The following PIWIL1 variants were observed in gnomAD, a reference collection of about 807,000 sequenced individuals.
PIWIL1 encodes the protein piwi-like protein 1.
In PIWIL1, 73 loss-of-function variants were observed where a neutral mutation model predicts 114.4. The ratio of observed to expected loss-of-function variants is 0.64; its 90% CI spans 0.53 to 0.78. The LOEUF is 0.78. Ranked by LOEUF, PIWIL1 falls within the 30% of genes least tolerant of loss-of-function variation. The pLI is 0.00. For synonymous variants in PIWIL1, 375 were observed against 369.0 expected, an observed-to-expected ratio of 1.02 and a Z score of -0.19; for missense variants, 723 against 1,063.1, an observed-to-expected ratio of 0.68 and a Z score of 4.45.
intron 18 of PIWIL1, chr12:130,366,450 C>T (rs1440462673): frequency 6.6e-6 from 1 of 152,274 alleles, no homozygotes; most frequent in East Asian, 1.9e-4. Context: ...GCCAAGAAGC[C>T]TGATGAACCT....
chr12:130,414,467 G>A, the PIWIL1 span: 3 of 635,972 alleles, frequency 4.7e-6, no homozygotes, highest in African/African-American at 3.7e-5. Flanking sequence ...GGAGGTCTAG[G>A]TCAGATGAAT....
chr12:130,355,556 C>T lies in PIWIL1; in HGVS notation c.1293C>T (p.Asn431=), dbSNP rs138596008. The stretch of plus-strand genomic sequence containing the variant: ...TGTAAATGTGTTAAATTTACAGAAA[C>T]GATAATGTTCAAAGGGAGCTTCGAG... The part of the protein sequence containing the change: ...VGRLIDYIHK[N]DNVQRELRDW... The change falls in exon 12 of 21, where the codon AAC becomes AAT. Residue 431 remains asparagine (N), a synonymous_variant. Coordinates refer to ENST00000245255, the MANE Select transcript of PIWIL1 (RefSeq NM_004764.5). 29 of 1,607,264 alleles carry T rather than the reference C, an allele frequency of 1.8e-5. No individual in the cohort carries two copies. Among genetic ancestry groups the T allele is most frequent in the South Asian group, 3.3e-5 (3 of 90,956 alleles).
the PIWIL1 span, among the ~76,000 whole-genome samples, chr12:130,413,474 G>A: frequency 0.65 from 98,087 of 151,578 alleles, 32,093 homozygotes; most frequent in East Asian, 0.78. Context: ...TACTAAAAAT[G>A]CAAAAAAATT....
At chr12:130,424,434 C>T in the PIWIL1 span, 1 of 1,232,696 alleles carries the variant, frequency 8.1e-7, no homozygotes, top group East Asian at 3.2e-5. The surrounding 1 kb of genome is among the most constrained non-coding windows in gnomAD (Gnocchi z 9.8). Flanking sequence ...GGGACAGTGA[C>T]CAGGGCCTGG....
At chr12:130,363,612 CTTTTTTTTTTTTT>C (rs34198016) in intron 18 of PIWIL1, among the ~76,000 whole-genome samples, 1 of 82,382 alleles carries the variant, frequency 1.2e-5, no homozygotes, top group African/African-American at 5.1e-5. Flanking sequence ...TACTTTCTCC[CTTTTTTTTTTTTT>C]TTTTTTTTTT....
chr12:130,409,757 T>G, the PIWIL1 span, among the ~76,000 whole-genome samples: 1 of 152,156 alleles, frequency 6.6e-6, no homozygotes, highest in African/African-American at 2.4e-5. Flanking sequence ...GGCCCCATTG[T>G]GTGGGGCGCC....
the PIWIL1 span, among the ~76,000 whole-genome samples, chr12:130,379,294 G>C: frequency 1.3e-5 from 2 of 152,172 alleles, no homozygotes; most frequent in Non-Finnish European, 2.9e-5. Flanking sequence ...TCACACATTT[G>C]TCAAATAAAA....
the PIWIL1 span, among the ~76,000 whole-genome samples, chr12:130,412,410 T>C: frequency 6.6e-6 from 1 of 152,336 alleles, no homozygotes; most frequent in Admixed American, 6.5e-5. Context: ...TAGGTGTATC[T>C]GTGTCCCTAA....
the PIWIL1 span, among the ~76,000 whole-genome samples, chr12:130,383,019 A>G: frequency 1.3e-5 from 2 of 152,230 alleles, no homozygotes; most frequent in East Asian, 1.9e-4. Context: ...TCTCCTTTCC[A>G]TGATTACTCA....
rs75247605 is a variant in PIWIL1 at position 130,356,199 on chromosome 12, C to A, written c.1404+532C>A. Among the ~76,000 whole-genome samples, 92 of 151,712 alleles carry A rather than the reference C, an allele frequency of 6.1e-4. 1 individual carries two copies. The highest frequency in any genetic ancestry group is 2.2e-3 in the African/African-American group (91 of 41,368). On this transcript the variant is annotated intron_variant, in intron 12 of 20. Transcript: ENST00000245255. Reference sequence around the variant, plus strand: ...AGATAATATATTAATTATTATGATACCTTTTATGTTTCATTTTCAGAAAAG... The same window carrying A: ...AGATAATATATTAATTATTATGATAACTTTTATGTTTCATTTTCAGAAAAG...
At chr12:130,347,907 A>T (rs1244372731) in intron 6 of PIWIL1, among the ~76,000 whole-genome samples, 196 bp from the exon 7 acceptor site, 3 of 152,224 alleles carry the variant, frequency 2.0e-5, no homozygotes, top group African/African-American at 7.2e-5. Flanking sequence ...ATCATGAAAT[A>T]ATCTTTTATT....
the PIWIL1 span, among the ~76,000 whole-genome samples, chr12:130,415,715 T>C: frequency 6.6e-6 from 1 of 151,432 alleles, no homozygotes; most frequent in African/African-American, 2.4e-5. Flanking sequence ...TCAAATTATC[T>C]CTCTTCACTG....
the PIWIL1 span, among the ~76,000 whole-genome samples, chr12:130,382,784 G>A: frequency 1.3e-5 from 2 of 151,946 alleles, no homozygotes; most frequent in Admixed American, 6.5e-5. Flanking sequence ...TGTTATATTG[G>A]CCAAAACCTG....
At chr12:130,373,641 C>G (rs1011734343), downstream of PIWIL1, among the ~76,000 whole-genome samples, 1 of 152,106 alleles carries the variant, frequency 6.6e-6, no homozygotes, top group African/African-American at 2.4e-5. Flanking sequence ...ACCTAGGAAT[C>G]GGGACTCTCA....
At chr12:130,404,908 C>T in the PIWIL1 span, among the ~76,000 whole-genome samples, 1 of 152,074 alleles carries the variant, frequency 6.6e-6, no homozygotes, top group East Asian at 1.9e-4. Context: ...TTCCTATTTA[C>T]ACTTTAATTT....
the PIWIL1 span, among the ~76,000 whole-genome samples, chr12:130,383,100 C>T: frequency 3.3e-5 from 5 of 152,152 alleles, no homozygotes; most frequent in Non-Finnish European, 5.9e-5. Flanking sequence ...TACCGTTGTC[C>T]AGAGTGAAAA....
chr12:130,392,246 C>G, the PIWIL1 span, among the ~76,000 whole-genome samples: 39 of 80,914 alleles, frequency 4.8e-4, no homozygotes, highest in East Asian at 6.3e-3. Flanking sequence ...ATGACCCGGT[C>G]ACCGTCATCA....
At chr12:130,339,075 C>G (rs1312001408) in intron 1 of PIWIL1, among the ~76,000 whole-genome samples, 1 of 152,056 alleles carries the variant, frequency 6.6e-6, no homozygotes, top group Admixed American at 6.5e-5. Context: ...GGCGAGGGCC[C>G]CTTCCCGCGT....
chr12:130,363,262 C>T, intron 18 of PIWIL1, 118 bp downstream of exon 18: 1 of 1,009,746 alleles, frequency 9.9e-7, no homozygotes, highest in Non-Finnish European at 1.5e-6. Context: ...GACTGTAGGG[C>T]CTTTGAGGTG....
Sources: gnomAD v4.1 joint callset for allele counts (sites outside exome capture counted in the v4.1 genomes callset) on GRCh38, gnomAD v4.1.1 for gene constraint, Gnocchi (gnomAD v3.1) non-coding constraint, MANE v1.5 for transcripts, NCBI Gene and HGNC (gene_info 2026-07-23, HGNC 2026-07-21) for gene names.